The following ZNF570 variants were observed in gnomAD, a reference collection of about 807,000 sequenced individuals.
ZNF570 encodes the protein zinc finger protein 570.
Under a neutral mutation model 14.2 loss-of-function variants are expected in ZNF570, and 8 were observed. The ratio of observed to expected loss-of-function variants is 0.56; its 90% confidence interval spans 0.33 to 1.02. The LOEUF is 1.02. Ranked by LOEUF, ZNF570 falls within the 50% of genes least tolerant of loss-of-function variation. The pLI, the probability that ZNF570 is intolerant of heterozygous loss-of-function variation, is 0.03. For missense variants in ZNF570, 559 were observed against 624.9 expected, an observed-to-expected ratio of 0.89 and a Z score of 1.12; for synonymous variants, 202 against 207.6, an observed-to-expected ratio of 0.97 and a Z score of 0.23.
At chr19:37,472,798 A>G (rs74867747) in intron 2 of ZNF570, among the ~76,000 whole-genome samples, 3 of 152,152 alleles carry the variant, frequency 2.0e-5, no homozygotes, top group Non-Finnish European at 4.4e-5. Context: ...GGAGAAAGTC[A>G]TAACTGACAA....
intron 1 of ZNF570, 185 bp downstream of exon 1, chr19:37,469,742 T>C (rs959740116): frequency 7.6e-6 from 5 of 654,692 alleles, no homozygotes; most frequent in Non-Finnish European, 1.3e-5. Flanking sequence ...TGTGAGATTG[T>C]CGCTTGTGAT....
At chr19:37,467,786 A>G, upstream of ZNF570, 1 of 1,178,820 alleles carries the variant, frequency 8.5e-7, no homozygotes, top group Non-Finnish European at 1.2e-6. Context: ...GACCCTGTCC[A>G]GTGACATCTG....
intron 4 of ZNF570, among the ~76,000 whole-genome samples, chr19:37,483,657 T>C (rs567873557): frequency 4.6e-5 from 7 of 152,332 alleles, no homozygotes; most frequent in Admixed American, 4.6e-4. Flanking sequence ...TCTTCTGCCC[T>C]GAGATTTACT....
At chr19:37,480,370 G>A (rs983957577) in intron 4 of ZNF570, among the ~76,000 whole-genome samples, 3 of 152,060 alleles carry the variant, frequency 2.0e-5, no homozygotes, top group Non-Finnish European at 4.4e-5. Flanking sequence ...TGCAGTCCCA[G>A]CTACTTGGGA....
chr19:37,477,288 C>CGTGTGTGTGTGT (rs71177457), intron 4 of ZNF570, among the ~76,000 whole-genome samples: 48 of 115,464 alleles, frequency 4.2e-4, no homozygotes, highest in Admixed American at 6.4e-4. Context: ...GGGAGGTTGT[C>CGTGTGTGTGTGT]GTGTGTGTGT....
At chr19:37,474,967 G>T (rs1461242118) in intron 2 of ZNF570, among the ~76,000 whole-genome samples, 13 of 138,696 alleles carry the variant, frequency 9.4e-5, no homozygotes, top group East Asian at 6.2e-4. Context: ...TTTTGTTTTT[G>T]TTTTTTTTTT....
rs2042039776 is a variant in ZNF570, at chr19:37,477,371, G to A, written c.256+937G>A. Among the ~76,000 whole-genome samples the A allele has an allele frequency of 3.0e-5, 4 of 134,864 alleles. No homozygotes were observed. In the Admixed American group the frequency reaches 3.3e-4, roughly 11 times the overall value. 88.5% of individuals were successfully genotyped at this position (134,864 alleles called of 152,430 possible). A position where few individuals can be genotyped will look rare whatever the true frequency, so the allele number is the denominator to read the frequency against. On this transcript the variant is annotated intron_variant, in intron 4 of 4. Coordinates refer to ENST00000330173, the MANE Select transcript of ZNF570 (RefSeq NM_144694.5). The stretch of plus-strand genomic sequence containing the variant: ...TTTTTTTTTTTTGAGACAGAGTCTC[G>A]CTCTGTTGCCCAGGCTGGAGTACAG...
At chr19:37,472,969 G>A (rs1008801692) in intron 2 of ZNF570, among the ~76,000 whole-genome samples, 1 of 152,220 alleles carries the variant, frequency 6.6e-6, no homozygotes, top group African/African-American at 2.4e-5. Context: ...GGGTTGTTCA[G>A]TTATAGGAAT....
chr19:37,487,793 A>G lies in ZNF570; in HGVS notation c.*2560A>G, dbSNP rs1217688275. 5 of 152,204 alleles carry G rather than the reference A, an allele frequency of 3.3e-5. No individual in the cohort carries two copies. Among genetic ancestry groups the G allele is most frequent in the Non-Finnish European group, 7.3e-5 (5 of 68,036 alleles). 9.4% of individuals were successfully genotyped at this position (152,204 alleles called of 1,614,324 possible). ...GGTATAAATTCTTAAGAGCAGCAAG[A>G]AAAATTTCGAATCTATTTGTAGAAA... On this transcript the variant is annotated 3_prime_UTR_variant, in exon 5 of 5. Transcript: ENST00000330173.
At chr19:37,483,104 A>G (rs1250863170) in intron 4 of ZNF570, among the ~76,000 whole-genome samples, 1 of 152,114 alleles carries the variant, frequency 6.6e-6, no homozygotes, top group Non-Finnish European at 1.5e-5. Context: ...TGAAGCTTAA[A>G]TAATCTCATT....
Position 37,486,586 on chromosome 19 carries a change from A to C in ZNF570, c.*1353A>C, listed in dbSNP as rs1488738754. 1 of 152,208 alleles carries C rather than the reference A, an allele frequency of 6.6e-6. No individual in the cohort carries two copies. The highest frequency in any genetic ancestry group is 2.4e-5 in the African/African-American group (1 of 41,452). The allele number at this position is 152,208 out of a possible 1,614,324, so 9.4% of individuals were successfully genotyped here. On this transcript the variant is annotated 3_prime_UTR_variant, in exon 5 of 5. Coordinates refer to ENST00000330173, the MANE Select transcript of ZNF570 (RefSeq NM_144694.5). ...ATATTAACTCATCTACTCCTCACAA[A>C]ACAAGATTCCTTATTGGACAAAGTG... is the stretch of plus-strand genomic sequence containing the variant.
chr19:37,468,749 G>T (rs912911948), upstream of ZNF570, among the ~76,000 whole-genome samples: 1 of 152,116 alleles, frequency 6.6e-6, no homozygotes, highest in Non-Finnish European at 1.5e-5. Context: ...CTCGTGATCT[G>T]CCCACCTTGG....
chr19:37,473,432 G>T (rs2041991001), intron 2 of ZNF570, among the ~76,000 whole-genome samples: 1 of 152,132 alleles, frequency 6.6e-6, no homozygotes, highest in Non-Finnish European at 1.5e-5. Context: ...GTGCTGGGAA[G>T]TGAGGGTACT....
Position 37,484,660 on chromosome 19 carries a change from T to C in ZNF570, c.1038T>C (p.Ala346=). The change falls in exon 5 of 5, where the codon GCT becomes GCC. Residue 346 remains alanine (A), a synonymous_variant. Transcript: ENST00000330173. ...GKAFSNRSSI[A]QHQRVHTGEK... ...CATTTAGCAACAGATCATCCATTGC[T>C]CAACACCAGAGAGTTCATACAGGAG... 1 of 1,614,034 alleles carries C rather than the reference T, an allele frequency of 6.2e-7. No homozygotes were observed. Among genetic ancestry groups the C allele is most frequent in the Non-Finnish European group, 8.5e-7 (1 of 1,179,996 alleles).
upstream of ZNF570, chr19:37,469,242 C>T: frequency 5.8e-6 from 8 of 1,376,726 alleles, no homozygotes; most frequent in Non-Finnish European, 7.5e-6. Flanking sequence ...ACCGCTGCTG[C>T]CAGACACTGC....
intron 2 of ZNF570, among the ~76,000 whole-genome samples, 157 bp downstream of exon 2, chr19:37,470,544 G>T (rs559020158): frequency 6.6e-6 from 1 of 152,088 alleles, no homozygotes; most frequent in South Asian, 2.1e-4. Context: ...AAACGCGTAA[G>T]TCCTTGTCTT....
chr19:37,474,382 A>G (rs975680732), intron 2 of ZNF570, among the ~76,000 whole-genome samples: 10 of 152,206 alleles, frequency 6.6e-5, no homozygotes, highest in Non-Finnish European at 1.3e-4. Context: ...AGATTTACCT[A>G]CTTCCTATAA....
chr19:37,475,280 C>T (rs2042011388), intron 2 of ZNF570, among the ~76,000 whole-genome samples: 1 of 152,180 alleles, frequency 6.6e-6, no homozygotes, highest in African/African-American at 2.4e-5. Context: ...TAAGAACTTT[C>T]TCTAACCCCT....
In ZNF570 at chr19:37,471,925, T is replaced by A. The variant is rs970425391; in HGVS notation, c.33+1538T>A. ...AGAATCAGACTACTATTTTTTTTTTTTTTTTTTGAGATGGAGTCTCACTCT... is the reference window on the plus strand; with the variant it reads ...AGAATCAGACTACTATTTTTTTTTTATTTTTTTGAGATGGAGTCTCACTCT... On this transcript the variant is annotated intron_variant, in intron 2 of 4. Coordinates refer to ENST00000330173, the MANE Select transcript of ZNF570 (RefSeq NM_144694.5). 1.5e-4 allele frequency among the ~76,000 whole-genome samples: 23 copies of A among 151,410 alleles called. 1 individual carries two copies. Among genetic ancestry groups the A allele is most frequent in the African/African-American group, 5.6e-4 (23 of 41,162 alleles).
Sources: gnomAD v4.1 joint callset for allele counts (sites outside exome capture counted in the v4.1 genomes callset) on GRCh38, gnomAD v4.1.1 for gene constraint, MANE v1.5 for transcripts, NCBI Gene and HGNC (gene_info 2026-07-23, HGNC 2026-07-21) for gene names.